The following CFAP47 variants were observed in gnomAD, a reference collection of about 807,000 sequenced individuals.
CFAP47 encodes cilia and flagella associated protein 47, also known as cilia- and flagella-associated protein 47.
A neutral mutation model predicts 148.1 loss-of-function variants in CFAP47; 29 were observed. The ratio of observed to expected loss-of-function variants is 0.20; its 90% CI spans 0.15 to 0.27. The LOEUF is 0.27. Ranked by LOEUF, CFAP47 falls within the 10% of genes least tolerant of loss-of-function variation. The pLI, the probability that CFAP47 is intolerant of heterozygous loss-of-function variation, is 1.00. For synonymous variants in CFAP47, 664 were observed against 577.3 expected (o/e 1.15, Z -2.15); for missense variants, 1,872 against 1,697.5 (o/e 1.10, Z -1.81).
intron 45 of CFAP47, among the ~76,000 whole-genome samples, chrX:36,218,585 TGTG>T (rs1940182378): frequency 9.0e-6 from 1 of 111,577 alleles, no homozygotes; most frequent in South Asian, 3.7e-4. Flanking sequence ...CTACGTGAGT[TGTG>T]GTGCATTTTG....
rs763071559 is a variant in CFAP47 at position 36,153,453 on chromosome X, C to T, written c.5786+4230C>T. Reference sequence around the variant, plus strand: ...TGTCAGTTCTCTGCAGTAGCCTCACCGCTGTGGTCATTCTATGCCTGGGTC... The same window carrying T: ...TGTCAGTTCTCTGCAGTAGCCTCACTGCTGTGGTCATTCTATGCCTGGGTC... On this transcript the variant is annotated intron_variant, in intron 37 of 63. Coordinates refer to ENST00000378653, the MANE Select transcript of CFAP47 (RefSeq NM_001304548.2). Among the ~76,000 whole-genome samples, 11 of 111,993 alleles carry T rather than the reference C, an allele frequency of 9.8e-5. 1 individual carries two copies. The highest frequency in any genetic ancestry group is 7.6e-4 in the Admixed American group (8 of 10,595).
intron 3 of CFAP47, among the ~76,000 whole-genome samples, chrX:35,945,380 T>TA (rs1936070326): frequency 1.8e-5 from 2 of 111,583 alleles, no homozygotes; most frequent in Non-Finnish European, 3.8e-5. Context: ...CACAGACTCT[T>TA]ATGTTTCTTC....
rs1184000783 is a variant in CFAP47, at chrX:36,255,453, A to G, written c.7444+4009A>G. ...GGGATGGCTCTTCAGAGTTGTCCCG[A>G]GTTGGGAGAAAGAGACTAGACCTTC... is the stretch of plus-strand genomic sequence containing the variant. On this transcript the variant is annotated intron_variant, in intron 49 of 63. Coordinates refer to ENST00000378653, the MANE Select transcript of CFAP47 (RefSeq NM_001304548.2). 1.2e-4 allele frequency among the ~76,000 whole-genome samples: 13 copies of G among 112,131 alleles called. No homozygotes were observed. In the Admixed American group the frequency reaches 1.2e-3, roughly 11 times the overall value.
At chrX:36,377,682 A>G (rs1266089629) in intron 62 of CFAP47, among the ~76,000 whole-genome samples, 1 of 111,704 alleles carries the variant, frequency 9.0e-6, no homozygotes, top group Non-Finnish European at 1.9e-5. Context: ...CATTTTATTG[A>G]TGTAATTCCC....
At chrX:36,146,935 C>A (rs1298757095) in intron 36 of CFAP47, among the ~76,000 whole-genome samples, 1 of 110,593 alleles carries the variant, frequency 9.0e-6, no homozygotes, top group African/African-American at 3.3e-5. Context: ...GTGCCTGCCA[C>A]CATGCCCAGC....
In CFAP47 at chrX:36,220,776, AG is replaced by A. The variant is rs782521343; in HGVS notation, c.6818-7850del. Among the ~76,000 whole-genome samples, 3 of 111,843 alleles carry A rather than the reference AG, an allele frequency of 2.7e-5. No individual in the cohort carries two copies. In the East Asian group the frequency reaches 8.5e-4, roughly 32 times the overall value. ...TACCTAAATTTACACGTAGATAGATAGGTCATAGTGAAACCATAGAATGGCA... is the reference window on the plus strand; with the variant it reads ...TACCTAAATTTACACGTAGATAGATAGTCATAGTGAAACCATAGAATGGCA... On this transcript the variant is annotated intron_variant, in intron 45 of 63. Coordinates refer to ENST00000378653, the MANE Select transcript of CFAP47 (RefSeq NM_001304548.2).
At chrX:36,219,426 A>G (rs1342996104) in intron 45 of CFAP47, among the ~76,000 whole-genome samples, 2 of 111,308 alleles carry the variant, frequency 1.8e-5, no homozygotes, top group Admixed American at 1.9e-4. Flanking sequence ...ATGGCTGGTA[A>G]TTCAATGTTT....
At chrX:36,054,801 C>A (rs1937540672) in intron 26 of CFAP47, among the ~76,000 whole-genome samples, 1 of 110,408 alleles carries the variant, frequency 9.1e-6, no homozygotes, top group African/African-American at 3.3e-5. Flanking sequence ...GAGATGGAGT[C>A]TCGCTCTGTC....
chrX:36,099,695 A>C (rs1349016940), intron 31 of CFAP47, 56 bp from the exon 32 acceptor site: 4 of 534,098 alleles, frequency 7.5e-6, no homozygotes, highest in Non-Finnish European at 1.2e-5. Flanking sequence ...AAAAAAACTC[A>C]TATGCTAAAT....
chrX:35,942,360 A>G (rs1044650765), intron 3 of CFAP47, among the ~76,000 whole-genome samples: 1 of 111,440 alleles, frequency 9.0e-6, no homozygotes, highest in Admixed American at 9.6e-5. Flanking sequence ...TCTTCTTAGG[A>G]TACAAAGGAA....
intron 57 of CFAP47, among the ~76,000 whole-genome samples, chrX:36,344,322 A>G (rs1365293390): frequency 9.1e-6 from 1 of 110,275 alleles, no homozygotes; most frequent in East Asian, 2.8e-4. Context: ...AAAAAAAAAA[A>G]CTAATTTGTG....
At chrX:35,922,011 G>C (rs1601873694) in intron 1 of CFAP47, among the ~76,000 whole-genome samples, 1 of 111,268 alleles carries the variant, frequency 9.0e-6, no homozygotes, top group South Asian at 3.8e-4. Flanking sequence ...AAATATAATT[G>C]ATAGTACTAT....
chrX:36,098,981 A>G (rs757066462), intron 31 of CFAP47, 107 bp downstream of exon 31: 12 of 339,309 alleles, frequency 3.5e-5, no homozygotes, highest in African/African-American at 3.0e-4. Flanking sequence ...TTTTATATGC[A>G]AAATATTATT....
intron 45 of CFAP47, among the ~76,000 whole-genome samples, chrX:36,209,926 C>T (rs1364946677): frequency 9.8e-5 from 11 of 111,804 alleles, no homozygotes; most frequent in African/African-American, 1.9e-4. Flanking sequence ...CAGCCTTAAG[C>T]AGTCACTAAT....
chrX:35,985,794 T>TC (rs1409209033), intron 15 of CFAP47, among the ~76,000 whole-genome samples: 2 of 111,750 alleles, frequency 1.8e-5, no homozygotes, highest in African/African-American at 6.5e-5. Flanking sequence ...ACTGTAAGCC[T>TC]TGGAGTGTGG....
intron 39 of CFAP47, among the ~76,000 whole-genome samples, chrX:36,163,095 G>C (rs141458914): frequency 8.9e-6 from 1 of 111,791 alleles, no homozygotes; most frequent in Non-Finnish European, 1.9e-5. Context: ...AGCCTGTTCA[G>C]ATTTTCTGTT....
intron 33 of CFAP47, among the ~76,000 whole-genome samples, chrX:36,128,751 A>G (rs1170367099): frequency 9.1e-6 from 1 of 110,257 alleles, no homozygotes; most frequent in Admixed American, 9.8e-5. Context: ...TTGAATATAT[A>G]TATATTAATT....
At chrX:35,924,177 A>T (rs1250034637) in intron 1 of CFAP47, among the ~76,000 whole-genome samples, 1 of 102,870 alleles carries the variant, frequency 9.7e-6, no homozygotes, top group Non-Finnish European at 1.9e-5. Context: ...ATGTACATGT[A>T]TGCGTACATG....
intron 29 of CFAP47, among the ~76,000 whole-genome samples, chrX:36,076,685 G>A (rs1405851858): frequency 9.0e-6 from 1 of 111,242 alleles, no homozygotes; most frequent in Non-Finnish European, 1.9e-5. Context: ...CATTCTGTAG[G>A]TTGTCTGTTT....
Sources: gnomAD v4.1 joint callset for allele counts (sites outside exome capture counted in the v4.1 genomes callset) on GRCh38, gnomAD v4.1.1 for gene constraint, MANE v1.5 for transcripts, NCBI Gene and HGNC (gene_info 2026-07-23, HGNC 2026-07-21) for gene names.